Variants in RHOJ observed in about 807,000 individuals in gnomAD.
The protein encoded by RHOJ is rho-related GTP-binding protein RhoJ.
In RHOJ, 11 loss-of-function variants were observed where a neutral mutation model predicts 23.4. That is an observed-to-expected ratio of 0.47 (90% CI 0.30 to 0.78). The LOEUF (loss-of-function observed/expected upper bound fraction) is 0.78, where lower values mean the gene tolerates loss of function less well. Among genes scored for constraint, RHOJ ranks in the 30% least tolerant of loss-of-function variants. The pLI, the probability that RHOJ is intolerant of heterozygous loss-of-function variation, is 0.08. For missense variants in RHOJ, 254 were observed against 273.4 expected, an observed-to-expected ratio of 0.93 and a Z score of 0.50; for synonymous variants, 102 against 102.7, an observed-to-expected ratio of 0.99 and a Z score of 0.04.
rs141928162 is a variant in RHOJ at position 63,260,802 on chromosome 14, C to T, written c.179-8308C>T. Among the ~76,000 whole-genome samples the T allele has an allele frequency of 1.8e-3, 274 of 151,472 alleles. 1 individual carries two copies. Among genetic ancestry groups the T allele is most frequent in the African/African-American group, 5.7e-3 (236 of 41,306 alleles). On this transcript the variant is annotated intron_variant, in intron 1 of 4. Coordinates refer to ENST00000316754, the MANE Select transcript of RHOJ (RefSeq NM_020663.5). ...TTAGCTACTATAAACACTTTGATGA[C>T]GAATAGACTTACATATACACATTGT...
At chr14:63,287,851 G>A (rs1882129577) in intron 4 of RHOJ, among the ~76,000 whole-genome samples, 3 of 152,142 alleles carry the variant, frequency 2.0e-5, no homozygotes, top group Admixed American at 2.0e-4. Flanking sequence ...ATACTTGACT[G>A]TGTAGGTCAT....
intron 1 of RHOJ, among the ~76,000 whole-genome samples, chr14:63,221,808 C>CA (rs915144264): frequency 1.3e-5 from 2 of 152,114 alleles, no homozygotes; most frequent in African/African-American, 4.8e-5. Flanking sequence ...GTCAAGAGAA[C>CA]AAAGGCAGAA....
rs1882289758 is a variant in RHOJ, at chr14:63,292,770, G to A, written c.*1746G>A. 6.6e-6 allele frequency: 1 copy of A among 151,962 alleles called. No individual in the cohort carries two copies. The highest frequency in any genetic ancestry group is 1.5e-5 in the Non-Finnish European group (1 of 68,012). The allele number at this position is 151,962 out of a possible 1,614,324, so 9.4% of individuals were successfully genotyped here. A position where few individuals can be genotyped will look rare whatever the true frequency, so the allele number is the denominator to read the frequency against. ...TCAAGACCAGCCTGGGTAATATAGT[G>A]AGATCCTGTGTCTCTATAAAAAAAT... On this transcript the variant is annotated 3_prime_UTR_variant, in exon 5 of 5. Coordinates refer to ENST00000316754, the MANE Select transcript of RHOJ (RefSeq NM_020663.5).
rs1158017299 is a variant in RHOJ at position 63,281,372 on chromosome 14, G to T, written c.402+237G>T. ...ATGGCCTTCAAAAATTAATCTCTAT[G>T]ATTTTTTTTAAATAACAAAGTAATT... is the stretch of plus-strand genomic sequence containing the variant. On this transcript the variant is annotated intron_variant, in intron 3 of 4. Coordinates refer to ENST00000316754, the MANE Select transcript of RHOJ (RefSeq NM_020663.5). 4.6e-5 allele frequency among the ~76,000 whole-genome samples: 7 copies of T among 152,098 alleles called. No individual in the cohort carries two copies. In the East Asian group the frequency reaches 1.4e-3, roughly 29 times the overall value.
At chr14:63,280,855 A>T in intron 2 of RHOJ, 116 bp from the exon 3 acceptor site, 1 of 908,736 alleles carries the variant, frequency 1.1e-6, no homozygotes, top group Non-Finnish European at 1.6e-6. Flanking sequence ...TCCAGGGTTG[A>T]GGAAGAAACG....
chr14:63,228,692 C>T (rs373574963), intron 1 of RHOJ, among the ~76,000 whole-genome samples: 5 of 150,986 alleles, frequency 3.3e-5, no homozygotes, highest in Admixed American at 1.3e-4. Flanking sequence ...TTTAAAAATC[C>T]GAAGAATAAA....
chr14:63,287,785 G>T (rs183901536), intron 4 of RHOJ, among the ~76,000 whole-genome samples: 1 of 152,200 alleles, frequency 6.6e-6, no homozygotes, highest in African/African-American at 2.4e-5. Flanking sequence ...CAGTTTGCTT[G>T]CATGTGTATC....
Position 63,280,982 on chromosome 14 carries a change from C to T in RHOJ, c.249C>T (p.Asn83=), listed in dbSNP as rs1881877995. 1 of 1,612,808 alleles carries T rather than the reference C, an allele frequency of 6.2e-7. No homozygotes were observed. Among genetic ancestry groups the T allele is most frequent in the African/African-American group, 1.3e-5 (1 of 75,024 alleles). The part of the protein sequence containing the change: ...LYDTAGQEDY[N]QLRPLSYPNT... ...TGCTCTTCCCACAGGAGGACTACAACCAGCTGAGGCCACTCTCCTACCCCA... is the reference window on the plus strand; with the variant it reads ...TGCTCTTCCCACAGGAGGACTACAATCAGCTGAGGCCACTCTCCTACCCCA... Residue 83 remains asparagine, a synonymous_variant, in exon 3 of 5, where the codon AAC becomes AAT. Transcript: ENST00000316754.
intron 4 of RHOJ, among the ~76,000 whole-genome samples, chr14:63,289,097 C>T (rs1306389632): frequency 1.3e-5 from 2 of 152,190 alleles, no homozygotes; most frequent in African/African-American, 4.8e-5. Flanking sequence ...CTAAGCTAAA[C>T]CACAAGTTCA....
intron 2 of RHOJ, among the ~76,000 whole-genome samples, chr14:63,279,373 G>A (rs1247466083): frequency 6.6e-6 from 1 of 152,198 alleles, no homozygotes; most frequent in Non-Finnish European, 1.5e-5. Context: ...CACATGTCAT[G>A]TTGCGATATG....
intron 1 of RHOJ, among the ~76,000 whole-genome samples, chr14:63,206,693 C>T (rs1449214052): frequency 6.6e-6 from 1 of 152,200 alleles, no homozygotes; most frequent in Non-Finnish European, 1.5e-5. Flanking sequence ...AAAAAATCTA[C>T]ACTAGAAATC....
Position 63,205,060 on chromosome 14 carries a change from G to T in RHOJ, c.178+13G>T, listed in dbSNP as rs771047205. 3 of 1,608,662 alleles carry T rather than the reference G, an allele frequency of 1.9e-6. No homozygotes were observed. The African/African-American group carries it at 4.0e-5, about 22-fold the overall frequency. ...GACCACTATGCAGGTAAGAAAAAGTGGGAAACTCTCTGCATCCAGACAAAC... is the reference window on the plus strand; with the variant it reads ...GACCACTATGCAGGTAAGAAAAAGTTGGAAACTCTCTGCATCCAGACAAAC... On this transcript the variant is annotated intron_variant, in intron 1 of 4. Transcript: ENST00000316754.
At chr14:63,288,454 C>A in intron 4 of RHOJ, 1 of 441,536 alleles carries the variant, frequency 2.3e-6, no homozygotes, top group Non-Finnish European at 3.0e-6. Flanking sequence ...AGTGCCACCA[C>A]GTTACAGTCA....
intron 1 of RHOJ, among the ~76,000 whole-genome samples, chr14:63,219,622 C>T (rs1025707903): frequency 7.9e-5 from 12 of 152,110 alleles, no homozygotes; most frequent in African/African-American, 2.7e-4. Flanking sequence ...TCAAGACCAT[C>T]CTGGTCAACA....
intron 2 of RHOJ, among the ~76,000 whole-genome samples, chr14:63,270,099 C>T (rs1421948065): frequency 1.3e-5 from 2 of 149,828 alleles, no homozygotes; most frequent in Admixed American, 1.3e-4. Context: ...TTGGAGTGAA[C>T]ATTTTACCCT....
chr14:63,217,731 A>G (rs909190953), intron 1 of RHOJ, among the ~76,000 whole-genome samples: 4 of 152,216 alleles, frequency 2.6e-5, no homozygotes, highest in African/African-American at 9.6e-5. Context: ...AGCAAAAGAA[A>G]CTACCATCAG....
chr14:63,277,966 A>AACACAC (rs34023824), intron 2 of RHOJ, among the ~76,000 whole-genome samples: 1,629 of 141,498 alleles, frequency 0.012, 22 homozygotes, highest in African/African-American at 0.027. Context: ...CAGCTACACA[A>AACACAC]ACACACACAC....
At chr14:63,290,844 T>C in intron 4 of RHOJ, 34 bp from the exon 5 acceptor site, 1 of 1,573,004 alleles carries the variant, frequency 6.4e-7, no homozygotes, top group Non-Finnish European at 8.6e-7. Context: ...CTCTCTTTTT[T>C]ATCTCTCATG....
chr14:63,237,649 G>A (rs557488005), intron 1 of RHOJ, among the ~76,000 whole-genome samples: 60 of 152,298 alleles, frequency 3.9e-4, no homozygotes, highest in African/African-American at 9.1e-4. Context: ...GGGCAATTTC[G>A]TCTTCTGGTT....
Sources: allele counts gnomAD v4.1 joint callset (sites outside exome capture counted in the v4.1 genomes callset), GRCh38; gene constraint gnomAD v4.1.1; transcripts MANE v1.5; gene names NCBI Gene and HGNC (gene_info 2026-07-23, HGNC 2026-07-21).